Variants in FAM47E observed in about 807,000 individuals in gnomAD.
FAM47E encodes family with sequence similarity 47 member E, also known as protein FAM47E.
A neutral mutation model predicts 41.6 loss-of-function variants in FAM47E; 32 were observed. The observed-to-expected ratio is 0.77, with a 90% CI of 0.58 to 1.03. The LOEUF is 1.03. FAM47E is among the 50% of genes least tolerant of loss of function. The pLI, the probability that FAM47E is intolerant of heterozygous loss-of-function variation, is 0.00. For synonymous variants in FAM47E, 184 were observed against 188.7 expected (o/e 0.98, Z 0.20); for missense variants, 424 against 485.4 (o/e 0.87, Z 1.19).
At chr4:76,273,409 A>T (rs1734971615) in intron 5 of FAM47E, among the ~76,000 whole-genome samples, 1 of 152,238 alleles carries the variant, frequency 6.6e-6, no homozygotes, top group Non-Finnish European at 1.5e-5. Context: ...TTCTAGTTCA[A>T]AGTTAATTCA....
chr4:76,253,169 C>G (rs997620743), intron 1 of FAM47E, among the ~76,000 whole-genome samples: 10 of 152,144 alleles, frequency 6.6e-5, no homozygotes, highest in African/African-American at 2.4e-4. Context: ...CATCATAAAG[C>G]CTCTGAGATC....
At chr4:76,241,903 C>T (rs1733719681) in intron 2 of FAM47E, among the ~76,000 whole-genome samples, 3 of 152,160 alleles carry the variant, frequency 2.0e-5, no homozygotes, top group Admixed American at 2.0e-4. Context: ...GCACTCTTCA[C>T]GTTGGTTCTC....
Position 76,251,752 on chromosome 4 carries a change from G to C in FAM47E, c.6G>C (p.Ala2=), listed in dbSNP as rs554282287. 79 of 1,483,194 alleles carry C rather than the reference G, an allele frequency of 5.3e-5. No individual in the cohort carries two copies. Among genetic ancestry groups the C allele is most frequent in the Non-Finnish European group, 6.9e-5 (77 of 1,122,960 alleles). 91.9% of individuals were successfully genotyped at this position (1,483,194 alleles called of 1,614,324 possible). ...GCCGCGAAGCTAGGGCCACCATGGCGGACCGCAGGCGGCGGCTCCGGCCGG... is the reference window on the plus strand; with the variant it reads ...GCCGCGAAGCTAGGGCCACCATGGCCGACCGCAGGCGGCGGCTCCGGCCGG... M[A]DRRRRLRPGT... The change falls in exon 1 of 8, where the codon GCG becomes GCC. Residue 2 remains alanine (A), a synonymous_variant. Transcript: ENST00000424749.
intron 2 of FAM47E, among the ~76,000 whole-genome samples, chr4:76,231,771 T>C (rs1042292780): frequency 2.6e-5 from 4 of 152,212 alleles, no homozygotes; most frequent in Non-Finnish European, 5.9e-5. Flanking sequence ...CCTCTTAAGG[T>C]TCCAAGATAA....
At chr4:76,219,786 G>A (rs1458940688) in intron 2 of FAM47E, among the ~76,000 whole-genome samples, 6 of 151,884 alleles carry the variant, frequency 4.0e-5, no homozygotes, top group Admixed American at 6.6e-5. Context: ...AATAAGCCCC[G>A]CCCCTCACCA....
rs533388209 is a variant in FAM47E at position 76,266,928 on chromosome 4, GA to G, written c.561-1731del. Among the ~76,000 whole-genome samples, 221 of 152,216 alleles carry G rather than the reference GA, an allele frequency of 1.5e-3. 2 individuals carry two copies. Among genetic ancestry groups the G allele is most frequent in the Non-Finnish European group, 2.7e-3 (182 of 68,020 alleles). On this transcript the variant is annotated intron_variant, in intron 3 of 7. Coordinates refer to ENST00000424749, the MANE Select transcript of FAM47E (RefSeq NM_001136570.3). ...GCATGACTTGACATTTACATGGTTTGACCCCTTTCTTCTTTTGGGTCTTTGG... is the reference window on the plus strand; with the variant it reads ...GCATGACTTGACATTTACATGGTTTGCCCCTTTCTTCTTTTGGGTCTTTGG...
chr4:76,226,357 T>C (rs1383475858), intron 2 of FAM47E, among the ~76,000 whole-genome samples: 1 of 152,212 alleles, frequency 6.6e-6, no homozygotes, highest in South Asian at 2.1e-4. Flanking sequence ...GCTCTGCTAC[T>C]TGAGATAATG....
chr4:76,263,414 T>C (rs1029556971), intron 2 of FAM47E, among the ~76,000 whole-genome samples: 29 of 152,364 alleles, frequency 1.9e-4, no homozygotes, highest in African/African-American at 7.0e-4. Flanking sequence ...TTGCAATTTT[T>C]TTTCAGAATT....
intron 4 of FAM47E, 134 bp downstream of exon 4, chr4:76,268,902 C>G: frequency 9.2e-7 from 1 of 1,091,148 alleles, no homozygotes; most frequent in South Asian, 1.7e-5. Flanking sequence ...AAATCTAAGT[C>G]AAATCCTCAA....
intron 2 of FAM47E, among the ~76,000 whole-genome samples, chr4:76,257,422 C>T (rs1056482445): frequency 2.0e-5 from 3 of 152,134 alleles, no homozygotes; most frequent in Admixed American, 2.0e-4. Context: ...GAGAGCGAGA[C>T]AATGGTTCAG....
At chr4:76,236,687 G>GGGGGT (rs1733591675) in intron 2 of FAM47E, 1 of 150,874 alleles carries the variant, frequency 6.6e-6, no homozygotes, top group Admixed American at 6.6e-5. Context: ...TAGGGTGGTG[G>GGGGGT]GGGGTGGGGT....
At chr4:76,262,281 T>C (rs7654472) in intron 2 of FAM47E, among the ~76,000 whole-genome samples, 34,976 of 152,132 alleles carry the variant, frequency 0.23, 4,273 homozygotes, top group Middle Eastern at 0.3. Flanking sequence ...CTATTTACTA[T>C]GATGCAAGAC....
Position 76,283,370 on chromosome 4 carries a change from T to C in FAM47E, c.1105-11T>C. The C allele has an allele frequency of 7.5e-7, 1 of 1,329,792 alleles. No individual in the cohort carries two copies. The highest frequency in any genetic ancestry group is 1.0e-6 in the Non-Finnish European group (1 of 969,490). 82.4% of individuals were successfully genotyped at this position (1,329,792 alleles called of 1,614,324 possible). Reference sequence around the variant, plus strand: ...TGCCAATCTAATGAAGGTTCTCTCATTTTTTTTTAGTTCCTTGAGAATATG... The same window carrying C: ...TGCCAATCTAATGAAGGTTCTCTCACTTTTTTTTAGTTCCTTGAGAATATG... On this transcript the variant is annotated splice_polypyrimidine_tract_variant and intron_variant, in intron 7 of 7. Coordinates refer to ENST00000424749, the MANE Select transcript of FAM47E (RefSeq NM_001136570.3).
intron 2 of FAM47E, among the ~76,000 whole-genome samples, chr4:76,240,743 CT>C (rs1733693334): frequency 6.6e-6 from 1 of 152,032 alleles, no homozygotes; most frequent in South Asian, 2.1e-4. Flanking sequence ...AAACCAATTT[CT>C]TTTTGGTTTC....
At chr4:76,282,195 C>T (rs937796299) in intron 7 of FAM47E, 1 of 152,104 alleles carries the variant, frequency 6.6e-6, no homozygotes, top group Non-Finnish European at 1.5e-5. Context: ...TATTAATCAA[C>T]AGTAACAGTT....
intron 3 of FAM47E, among the ~76,000 whole-genome samples, chr4:76,264,892 G>A (rs1734565595): frequency 6.6e-6 from 1 of 152,128 alleles, no homozygotes; most frequent in South Asian, 2.1e-4. Context: ...CACTGGGCCG[G>A]GCCTACATTT....
intron 2 of FAM47E, among the ~76,000 whole-genome samples, chr4:76,232,897 A>G (rs1733517250): frequency 6.6e-6 from 1 of 152,250 alleles, no homozygotes. Flanking sequence ...GAAATTTTAA[A>G]GCAGCAAAAA....
At chr4:76,245,794 G>A (rs966502240) in intron 2 of FAM47E, among the ~76,000 whole-genome samples, 13 of 152,114 alleles carry the variant, frequency 8.5e-5, no homozygotes, top group Non-Finnish European at 1.9e-4. Context: ...CTTCCTTTAA[G>A]TGTGTCTAGC....
Position 76,235,266 on chromosome 4 carries a change from C to T in FAM47E, c.81+17578C>T, listed in dbSNP as rs1049576183. 1.4e-4 allele frequency among the ~76,000 whole-genome samples: 21 copies of T among 152,116 alleles called. No individual in the cohort carries two copies. The South Asian group carries it at 3.9e-3, about 29-fold the overall frequency. On this transcript the variant is annotated intron_variant, in intron 2 of 7. Transcript: ENST00000510197. ...CCGGGAGGCGGAGCTTGCAGTGAGC[C>T]GAGATCGCACCGCTGCACTCCAGCC... is the stretch of plus-strand genomic sequence containing the variant.
Sources: allele counts gnomAD v4.1 joint callset (sites outside exome capture counted in the v4.1 genomes callset), GRCh38; gene constraint gnomAD v4.1.1; transcripts MANE v1.5; gene names NCBI Gene and HGNC (gene_info 2026-07-23, HGNC 2026-07-21).